CCDC7: variants seen among roughly 807,000 people sequenced by gnomAD.
The protein encoded by CCDC7 is coiled-coil domain containing 7.
A neutral mutation model predicts 196.9 loss-of-function variants in CCDC7; 183 were observed. The observed-to-expected ratio is 0.93, with a 90% CI of 0.82 to 1.05. CCDC7 has a LOEUF of 1.05. Ranked by LOEUF, CCDC7 falls within the 50% of genes least tolerant of loss-of-function variation. The probability of loss-of-function intolerance (pLI) is 0.00; values close to 1 mark genes in which losing one functional copy is unlikely to be tolerated. For missense variants in CCDC7, 1,540 were observed against 1,482.2 expected (o/e 1.04, Z -0.64); for synonymous variants, 525 against 484.6 (o/e 1.08, Z -1.10).
intron 20 of CCDC7, among the ~76,000 whole-genome samples, chr10:32,650,459 C>G (rs1403990549): frequency 6.6e-6 from 1 of 152,170 alleles, no homozygotes; most frequent in Non-Finnish European, 1.5e-5. Flanking sequence ...CTTGGGAGAA[C>G]CACTGCCAAC....
At chr10:32,777,023 C>T (rs2080168816) in intron 28 of CCDC7, among the ~76,000 whole-genome samples, 1 of 152,002 alleles carries the variant, frequency 6.6e-6, no homozygotes, top group Non-Finnish European at 1.5e-5. Flanking sequence ...TAGCATAATA[C>T]CCAAGAGGTC....
At chr10:32,588,244 T>C (rs2059473780) in intron 18 of CCDC7, among the ~76,000 whole-genome samples, 1 of 152,214 alleles carries the variant, frequency 6.6e-6, no homozygotes, top group African/African-American at 2.4e-5. Flanking sequence ...TATTCAGTTA[T>C]AGCAATAGAA....
intron 13 of CCDC7, 57 bp from the exon 15 acceptor site, chr10:32,565,501 C>A (rs1338457418): frequency 6.4e-7 from 1 of 1,553,150 alleles, no homozygotes; most frequent in Non-Finnish European, 8.7e-7. Flanking sequence ...ACTGGTAAAA[C>A]TAAATTAATT....
At chr10:32,822,317 T>C (rs2090394445) in intron 31 of CCDC7, among the ~76,000 whole-genome samples, 1 of 152,182 alleles carries the variant, frequency 6.6e-6, no homozygotes, top group South Asian at 2.1e-4. Context: ...ATTGGGCATA[T>C]AACATATCAA....
intron 22 of CCDC7, among the ~76,000 whole-genome samples, chr10:32,882,268 C>T (rs1431472517): frequency 1.3e-5 from 2 of 152,018 alleles, no homozygotes; most frequent in Non-Finnish European, 2.9e-5. Context: ...CTTGCTTAAC[C>T]GGCCTAACAA....
At chr10:32,738,915 AT>A (rs139155695) in intron 28 of CCDC7, among the ~76,000 whole-genome samples, 8,054 of 151,850 alleles carry the variant, frequency 0.053, 705 homozygotes, top group African/African-American at 0.18. Flanking sequence ...AAATTATGTC[AT>A]TTTTTTTCTG....
intron 21 of CCDC7, among the ~76,000 whole-genome samples, chr10:32,668,889 C>G (rs1259368671): frequency 6.6e-6 from 1 of 152,048 alleles, no homozygotes; most frequent in Admixed American, 6.6e-5. Context: ...CCTTCTGTTT[C>G]TTTTTCTTTC....
intron 39 of CCDC7, among the ~76,000 whole-genome samples, chr10:32,850,046 T>C (rs2093487635): frequency 6.6e-6 from 1 of 152,130 alleles, no homozygotes; most frequent in Non-Finnish European, 1.5e-5. Context: ...TTTGTTGCCA[T>C]GGGAGGAATT....
At chr10:32,658,208 G>T (rs1244725581) in intron 20 of CCDC7, among the ~76,000 whole-genome samples, 2 of 152,106 alleles carry the variant, frequency 1.3e-5, no homozygotes, top group African/African-American at 2.4e-5. Flanking sequence ...TATCTTTATG[G>T]CAGTGCCTCA....
At chr10:32,811,496 TA>T (rs1216953957) in intron 30 of CCDC7, among the ~76,000 whole-genome samples, 1 of 151,996 alleles carries the variant, frequency 6.6e-6, no homozygotes, top group Non-Finnish European at 1.5e-5. Context: ...TGCTGTTAGA[TA>T]AAAAGAATAA....
chr10:32,735,509 A>T (rs931612369), intron 28 of CCDC7, among the ~76,000 whole-genome samples: 1 of 152,136 alleles, frequency 6.6e-6, no homozygotes, highest in African/African-American at 2.4e-5. Context: ...TTTGCCATCT[A>T]TATATCTTTT....
chr10:32,481,056 A>G (rs1461783383), intron 8 of CCDC7, among the ~76,000 whole-genome samples: 2 of 152,064 alleles, frequency 1.3e-5, no homozygotes, highest in Non-Finnish European at 2.9e-5. Context: ...TATTTGTTAT[A>G]TTCTCTTGAG....
chr10:32,854,443 T>G, exon 41 of CCDC7: 1 of 1,608,450 alleles, frequency 6.2e-7, no homozygotes, highest in Non-Finnish European at 8.5e-7. Flanking sequence ...CTATTGAATT[T>G]ACTCTGCCTA....
intron 14 of CCDC7, among the ~76,000 whole-genome samples, chr10:32,566,548 C>A (rs1340697666): frequency 1.3e-5 from 2 of 152,020 alleles, no homozygotes; most frequent in Non-Finnish European, 2.9e-5. Context: ...AGAAACATAT[C>A]TATGACATTA....
At chr10:32,848,682 A>G in exon 39 of CCDC7, 5 of 1,552,876 alleles carry the variant, frequency 3.2e-6, no homozygotes, top group Non-Finnish European at 4.4e-6. Context: ...TAAATTCCCA[A>G]CAAAAGTGAT....
At chr10:32,498,990 T>G (rs1253350215) in intron 9 of CCDC7, 1 of 152,102 alleles carries the variant, frequency 6.6e-6, no homozygotes, top group Non-Finnish European at 1.5e-5. Flanking sequence ...TTTTCCAACT[T>G]GGTTCAATTC....
intron 29 of CCDC7, among the ~76,000 whole-genome samples, chr10:32,797,359 A>G (rs2083814988): frequency 6.6e-6 from 1 of 151,956 alleles, no homozygotes; most frequent in Non-Finnish European, 1.5e-5. Context: ...TGATGGCATT[A>G]TCAGTGACAT....
At chr10:32,499,995 C>T (rs1463732596) in intron 9 of CCDC7, among the ~76,000 whole-genome samples, 1 of 152,232 alleles carries the variant, frequency 6.6e-6, no homozygotes, top group Non-Finnish European at 1.5e-5. Flanking sequence ...TCTCCTATGT[C>T]TACTTCTTTC....
intron 23 of CCDC7, among the ~76,000 whole-genome samples, chr10:32,690,846 A>G (rs1229389651): frequency 6.6e-6 from 1 of 152,182 alleles, no homozygotes; most frequent in Non-Finnish European, 1.5e-5. Context: ...CCAACAATAC[A>G]TTTGGTGGGG....
Sources: gnomAD v4.1 joint callset for allele counts (sites outside exome capture counted in the v4.1 genomes callset) on GRCh38, gnomAD v4.1.1 for gene constraint, MANE v1.5 for transcripts, NCBI Gene and HGNC (gene_info 2026-07-23, HGNC 2026-07-21) for gene names.